Variants in B4GALNT3 observed in about 807,000 individuals in gnomAD.
B4GALNT3 encodes beta-1,4-N-acetyl-galactosaminyltransferase 3.
In B4GALNT3, 86 loss-of-function variants were observed where a neutral mutation model predicts 120.2. The observed-to-expected ratio is 0.72, with a 90% confidence interval of 0.60 to 0.86. B4GALNT3 has a LOEUF of 0.86. Ranked by LOEUF, B4GALNT3 falls within the 40% of genes least tolerant of loss-of-function variation. B4GALNT3 has a pLI of 0.00. For synonymous variants in B4GALNT3, 518 were observed against 510.4 expected (o/e 1.01, Z -0.20); for missense variants, 1,167 against 1,298.9 (o/e 0.90, Z 1.56).
intron 18 of B4GALNT3, among the ~76,000 whole-genome samples, chr12:558,977 TCCCTGCCTGTGGAAA>T (rs1277174423): frequency 6.6e-6 from 1 of 151,812 alleles, no homozygotes; most frequent in Non-Finnish European, 1.5e-5. Flanking sequence ...AAAGGTAGCC[TCCCTGCCTGTGGAAA>T]GGGAAACGGA....
At chr12:506,134 A>C (rs1946495091) in intron 1 of B4GALNT3, among the ~76,000 whole-genome samples, 1 of 151,790 alleles carries the variant, frequency 6.6e-6, no homozygotes, top group Admixed American at 6.6e-5. Context: ...ACTATTTTAA[A>C]TTCATTAGGC....
At chr12:483,612 C>T (rs972937157) in intron 1 of B4GALNT3, among the ~76,000 whole-genome samples, 1 of 152,094 alleles carries the variant, frequency 6.6e-6, no homozygotes, top group Non-Finnish European at 1.5e-5. Flanking sequence ...GTAGGAGGAT[C>T]GTTTGAGCCC....
At position 490,341 on chromosome 12, in the gene B4GALNT3, G is replaced by A. The variant is rs192578905; in HGVS notation, c.169+29796G>A. The stretch of plus-strand genomic sequence containing the variant: ...TTAAAAAGATCAGTAAGATTGATAA[G>A]CCTCTAAGCCATGCTAACTAAGAAA... On this transcript the variant is annotated intron_variant, in intron 1 of 19. Coordinates refer to ENST00000266383, the MANE Select transcript of B4GALNT3 (RefSeq NM_173593.4). 3.3e-5 allele frequency among the ~76,000 whole-genome samples: 5 copies of A among 152,214 alleles called. No homozygotes were observed. The East Asian group carries it at 9.6e-4, about 29-fold the overall frequency.
chr12:531,362 G>T (rs960033073), intron 1 of B4GALNT3, among the ~76,000 whole-genome samples: 2 of 152,274 alleles, frequency 1.3e-5, no homozygotes, highest in South Asian at 4.2e-4. Flanking sequence ...CAATAACATG[G>T]AGAAGGCTGA....
chr12:524,111 T>G (rs1341618179), intron 1 of B4GALNT3, among the ~76,000 whole-genome samples: 1 of 152,180 alleles, frequency 6.6e-6, no homozygotes, highest in African/African-American at 2.4e-5. Flanking sequence ...CGTGGTGGGA[T>G]GGTTGACTAA....
At position 545,486 on chromosome 12, in the gene B4GALNT3, C is replaced by T. The variant is rs1946981927; in HGVS notation, c.639+17C>T. The T allele has an allele frequency of 6.3e-7, 1 of 1,575,656 alleles. No individual in the cohort carries two copies. Among genetic ancestry groups the T allele is most frequent in the Non-Finnish European group, 8.6e-7 (1 of 1,159,686 alleles). The stretch of plus-strand genomic sequence containing the variant: ...GTGGGCAAGGTAAGGCCAGCTCAAC[C>T]CCGGTCCCTCCCATCTGCTCCTGGA... On this transcript the variant is annotated intron_variant, in intron 6 of 19. Coordinates refer to ENST00000266383, the MANE Select transcript of B4GALNT3 (RefSeq NM_173593.4).
chr12:560,674 T>C (rs1418061523), intron 19 of B4GALNT3, among the ~76,000 whole-genome samples: 11 of 152,164 alleles, frequency 7.2e-5, no homozygotes, highest in Admixed American at 7.2e-4. Flanking sequence ...AGCCTTGATT[T>C]GGGAAGCCGG....
chr12:508,753 T>A (rs555121006), intron 1 of B4GALNT3, among the ~76,000 whole-genome samples: 1 of 152,282 alleles, frequency 6.6e-6, no homozygotes, highest in East Asian at 1.9e-4. Flanking sequence ...ATTACAAACA[T>A]ACTACTTTGA....
At chr12:497,148 A>T (rs1464600352) in intron 1 of B4GALNT3, among the ~76,000 whole-genome samples, 1 of 147,512 alleles carries the variant, frequency 6.8e-6, no homozygotes, top group Admixed American at 6.8e-5. Flanking sequence ...ATTTATTATT[A>T]TTATTTTTTT....
chr12:486,376 A>G (rs10849084), intron 1 of B4GALNT3, among the ~76,000 whole-genome samples: 15,991 of 151,322 alleles, frequency 0.11, 984 homozygotes, highest in East Asian at 0.21. Flanking sequence ...CACCCGGCTA[A>G]TTTTTGTCTT....
At position 498,336 on chromosome 12, in the gene B4GALNT3, G is replaced by C. The variant is rs112567293; in HGVS notation, c.170-36830G>C. Reference sequence around the variant, plus strand: ...TCCGCCCAAGTCCAGTTGTCACCCAGAGCCCAGACACTTCAGAAGCAGCTC... The same window carrying C: ...TCCGCCCAAGTCCAGTTGTCACCCACAGCCCAGACACTTCAGAAGCAGCTC... On this transcript the variant is annotated intron_variant, in intron 1 of 19. Transcript: ENST00000266383. Among the ~76,000 whole-genome samples, 22 of 152,282 alleles carry C rather than the reference G, an allele frequency of 1.4e-4. 1 individual carries two copies. The highest frequency in any genetic ancestry group is 5.3e-4 in the African/African-American group (22 of 41,554).
intron 14 of B4GALNT3, among the ~76,000 whole-genome samples, chr12:556,010 C>T (rs1947151501): frequency 6.6e-6 from 1 of 151,928 alleles, no homozygotes; most frequent in African/African-American, 2.4e-5. Context: ...GTCTTGATCT[C>T]CTGACCTTGT....
At chr12:465,315 G>A (rs572454786) in intron 1 of B4GALNT3, among the ~76,000 whole-genome samples, 21 of 152,256 alleles carry the variant, frequency 1.4e-4, no homozygotes, top group South Asian at 2.1e-4. Context: ...CATACTAGGC[G>A]CTCAGATAAG....
At chr12:541,831 C>G (rs1480793558) in intron 3 of B4GALNT3, among the ~76,000 whole-genome samples, 22 of 88,036 alleles carry the variant, frequency 2.5e-4, no homozygotes, top group South Asian at 6.7e-4. Flanking sequence ...CCTGCCCAGT[C>G]CCCCCCCTCA....
chr12:543,285 C>A (rs1946941361), intron 3 of B4GALNT3: 3 of 1,098,474 alleles, frequency 2.7e-6, no homozygotes, highest in Admixed American at 2.3e-5. Context: ...GAGCACCGGC[C>A]CCTTTCTGCC....
chr12:544,479 C>A (rs1193999324), intron 4 of B4GALNT3, 45 bp downstream of exon 4: 1 of 1,502,298 alleles, frequency 6.7e-7, no homozygotes, highest in South Asian at 1.1e-5. Flanking sequence ...CCACACCTGC[C>A]TCCTCTGCCC....
chr12:503,556 T>TA (rs1946464099), intron 1 of B4GALNT3, among the ~76,000 whole-genome samples: 1 of 152,202 alleles, frequency 6.6e-6, no homozygotes, highest in South Asian at 2.1e-4. Flanking sequence ...AGCAGTGAAT[T>TA]AATGTCTTTA....
At chr12:479,200 C>T (rs1248159609) in intron 1 of B4GALNT3, among the ~76,000 whole-genome samples, 5 of 136,442 alleles carry the variant, frequency 3.7e-5, no homozygotes, top group African/African-American at 1.2e-4. Context: ...TGTTTCATGG[C>T]TGTGGCTTTT....
intron 1 of B4GALNT3, among the ~76,000 whole-genome samples, chr12:519,957 C>T (rs1202136605): frequency 6.6e-6 from 1 of 152,116 alleles, no homozygotes; most frequent in Non-Finnish European, 1.5e-5. Context: ...CTTGTTATGT[C>T]CTCTGTGTAG....
Sources: gnomAD v4.1 joint callset for allele counts (sites outside exome capture counted in the v4.1 genomes callset) on GRCh38, gnomAD v4.1.1 for gene constraint, MANE v1.5 for transcripts, NCBI Gene and HGNC (gene_info 2026-07-23, HGNC 2026-07-21) for gene names.